MYO6: variants seen among roughly 807,000 people sequenced by gnomAD.
MYO6 encodes unconventional myosin-VI.
MYO6 carries 74 observed loss-of-function variants against 178.7 expected under a neutral mutation model. The ratio of observed to expected loss-of-function variants is 0.41; its 90% confidence interval spans 0.34 to 0.50. The LOEUF (loss-of-function observed/expected upper bound fraction) is 0.50, where lower values mean the gene tolerates loss of function less well. MYO6 is among the 20% of genes least tolerant of loss of function. The pLI is 0.09. For synonymous variants in MYO6, 477 were observed against 504.6 expected (o/e 0.95, Z 0.73); for missense variants, 1,330 against 1,547.4 (o/e 0.86, Z 2.36).
chr6:75,895,409 A>G, intron 29 of MYO6, 149 bp downstream of exon 29: 2 of 666,218 alleles, frequency 3.0e-6, no homozygotes, highest in Non-Finnish European at 5.3e-6. Flanking sequence ...GGAAAGTTTA[A>G]TGCTCTTGTA....
chr6:75,833,447 C>A (rs940616063), intron 6 of MYO6, among the ~76,000 whole-genome samples: 6 of 152,150 alleles, frequency 3.9e-5, no homozygotes, highest in Non-Finnish European at 8.8e-5. Flanking sequence ...AAAACTTGAC[C>A]CATGCAACAA....
chr6:75,871,699 T>G (rs1777167261), intron 19 of MYO6, among the ~76,000 whole-genome samples: 2 of 152,226 alleles, frequency 1.3e-5, no homozygotes, highest in Admixed American at 1.3e-4. Context: ...TATCTATCTC[T>G]TAAGGCCATG....
At chr6:75,861,749 T>A (rs188093054) in intron 15 of MYO6, among the ~76,000 whole-genome samples, 1 of 152,308 alleles carries the variant, frequency 6.6e-6, no homozygotes, top group East Asian at 1.9e-4. Context: ...AAAAACATAG[T>A]ATAATAATAA....
intron 33 of MYO6, among the ~76,000 whole-genome samples, chr6:75,912,421 T>G (rs1050203246): frequency 5.9e-5 from 9 of 152,034 alleles, no homozygotes; most frequent in Non-Finnish European, 1.0e-4. Context: ...AATATTAGTT[T>G]CAAGCTTTTA....
chr6:75,757,169 TAC>T lies in MYO6; in HGVS notation c.-48+7752_-48+7753del, dbSNP rs556835381. Among the ~76,000 whole-genome samples the T allele has an allele frequency of 4.7e-4, 69 of 147,830 alleles. 1 individual carries two copies. Among genetic ancestry groups the T allele is most frequent in the African/African-American group, 1.5e-3 (62 of 40,564 alleles). On this transcript the variant is annotated intron_variant, in intron 1 of 34. Coordinates refer to ENST00000369977, the MANE Select transcript of MYO6 (RefSeq NM_004999.4). Reference sequence around the variant, plus strand: ...TGTGTGTTGTGTGTGTGTATGTATATACACACATATATACACACATATATTGT... The same window carrying T: ...TGTGTGTTGTGTGTGTGTATGTATATACACATATATACACACATATATTGT...
rs1781064318 is a variant in MYO6, at chr6:75,915,320, T to C, written c.*308T>C. The C allele has an allele frequency of 2.5e-6, 1 of 396,188 alleles. No individual in the cohort carries two copies. The allele number at this position is 396,188 out of a possible 1,614,324, so 24.5% of individuals were successfully genotyped here. On this transcript the variant is annotated 3_prime_UTR_variant, in exon 35 of 35. Coordinates refer to ENST00000369977, the MANE Select transcript of MYO6 (RefSeq NM_004999.4). ...GACTACCTTACATCCATCGTAATTGTTCTCTAGGAAAAGAGAACTTTTTTC... is the reference window on the plus strand; with the variant it reads ...GACTACCTTACATCCATCGTAATTGCTCTCTAGGAAAAGAGAACTTTTTTC...
intron 15 of MYO6, among the ~76,000 whole-genome samples, 155 bp from the exon 16 acceptor site, chr6:75,862,441 C>T (rs1473916180): frequency 2.6e-5 from 4 of 152,104 alleles, no homozygotes; most frequent in Admixed American, 6.6e-5. Context: ...AATAAAAATC[C>T]GTCAGCTCTC....
At position 75,905,540 on chromosome 6, in the gene MYO6, T is replaced by C. The variant is rs534404440; in HGVS notation, c.3177-2065T>C. Among the ~76,000 whole-genome samples the C allele has an allele frequency of 9.2e-5, 14 of 152,350 alleles. No individual in the cohort carries two copies. The South Asian group carries it at 2.9e-3, about 32-fold the overall frequency. Reference sequence around the variant, plus strand: ...GAAAGGGAACTCCCTGACCCCTTGCTCTTCTGGAGTGAGGCAATGCCTCGC... The same window carrying C: ...GAAAGGGAACTCCCTGACCCCTTGCCCTTCTGGAGTGAGGCAATGCCTCGC... On this transcript the variant is annotated intron_variant, in intron 30 of 34. Coordinates refer to ENST00000369977, the MANE Select transcript of MYO6 (RefSeq NM_004999.4).
Position 75,817,304 on chromosome 6 carries a change from C to CAAAAA in MYO6, c.-47-183_-47-179dup, listed in dbSNP as rs759910571. The stretch of plus-strand genomic sequence containing the variant: ...TGGGTGAGAGAGTGAGATTCCGTCT[C>CAAAAA]AAAAAAAAAAAAAAAAAAGTAGATA... On this transcript the variant is annotated intron_variant, in intron 1 of 34. Transcript: ENST00000369977. Among the ~76,000 whole-genome samples, 324 of 62,962 alleles carry CAAAAA rather than the reference C, an allele frequency of 5.1e-3. 2 individuals are homozygous for CAAAAA. The highest frequency in any genetic ancestry group is 0.015 in the African/African-American group (298 of 19,242). 41.3% of individuals were successfully genotyped at this position (62,962 alleles called of 152,430 possible). A position where few individuals can be genotyped will look rare whatever the true frequency, so the allele number is the denominator to read the frequency against.
At chr6:75,845,221 C>T (rs1774611405) in intron 10 of MYO6, among the ~76,000 whole-genome samples, 1 of 152,154 alleles carries the variant, frequency 6.6e-6, no homozygotes, top group Admixed American at 6.5e-5. Flanking sequence ...TCCTCTCATT[C>T]TGTTTTCAAG....
At chr6:75,807,246 ATC>A (rs1016771973) in intron 1 of MYO6, among the ~76,000 whole-genome samples, 1 of 151,986 alleles carries the variant, frequency 6.6e-6, no homozygotes, top group Admixed American at 6.6e-5. Flanking sequence ...TTTCTCACTA[ATC>A]TCTCTGGAAA....
At chr6:75,900,534 C>A (rs1216901599) in intron 30 of MYO6, among the ~76,000 whole-genome samples, 1 of 152,076 alleles carries the variant, frequency 6.6e-6, no homozygotes, top group Non-Finnish European at 1.5e-5. Flanking sequence ...TAAATGTCTT[C>A]TTTTGAGAAG....
At position 75,881,810 on chromosome 6, in the gene MYO6, T is replaced by A. The variant is rs995452093; in HGVS notation, c.2408T>A (p.Val803Asp). The A allele has an allele frequency of 5.0e-6, 8 of 1,613,588 alleles. No homozygotes were observed. The highest frequency in any genetic ancestry group is 2.7e-5 in the African/African-American group (2 of 74,892). Reference sequence around the variant, plus strand: ...AAAGTTCAGTGGTGCTCACTCTCAGTCATCAAATGTAGGTGTTTTCCTTTA... The same window carrying A: ...AAAGTTCAGTGGTGCTCACTCTCAGACATCAAATGTAGGTGTTTTCCTTTA... ...WKKVQWCSLS[V>D]IKLKNKIKYR... The change falls in exon 23 of 35, where the codon GTC (valine) becomes GAC (aspartate). Residue 803 changes from valine to aspartate, a missense_variant. Val to Asp is a radical substitution (Grantham distance 152, BLOSUM62 -3). This residue lies in a region of MYO6 where 601 missense variants were observed against 626.1 expected (regional missense o/e 0.96). Transcript: ENST00000369977.
Position 75,901,662 on chromosome 6 carries a change from G to A in MYO6, c.3176+3251G>A, listed in dbSNP as rs374951897. The stretch of plus-strand genomic sequence containing the variant: ...GGTTTTCTAGATATACAATCATGTC[G>A]TCTGCAAACAGGGACAATTTGACTT... On this transcript the variant is annotated intron_variant, in intron 30 of 34. Transcript: ENST00000369977. Among the ~76,000 whole-genome samples the A allele has an allele frequency of 2.2e-4, 34 of 152,102 alleles. No homozygotes were observed. In the South Asian group the frequency reaches 2.3e-3, roughly 10 times the overall value.
At chr6:75,867,462 G>C (rs1431522817) in intron 18 of MYO6, 1 of 221,352 alleles carries the variant, frequency 4.5e-6, no homozygotes, top group Non-Finnish European at 9.0e-6. Flanking sequence ...AGTCCAGCTC[G>C]GGATGGCTAG....
intron 1 of MYO6, among the ~76,000 whole-genome samples, chr6:75,767,007 T>C (rs1306703763): frequency 6.6e-6 from 1 of 152,094 alleles, no homozygotes; most frequent in Non-Finnish European, 1.5e-5. Context: ...TTTATTTTTT[T>C]GTGTCATCTT....
chr6:75,904,292 A>G (rs1214023026), intron 30 of MYO6, among the ~76,000 whole-genome samples: 1 of 150,716 alleles, frequency 6.6e-6, no homozygotes, highest in Non-Finnish European at 1.5e-5. Flanking sequence ...TAGATTGGGT[A>G]AGTTCTCCTG....
intron 10 of MYO6, among the ~76,000 whole-genome samples, chr6:75,847,829 A>C (rs930264938): frequency 1.3e-5 from 2 of 151,968 alleles, no homozygotes; most frequent in African/African-American, 4.8e-5. Context: ...TAAATTTTTT[A>C]TTGCACCTTT....
At chr6:75,881,968 C>CT (rs1562280868) in intron 23 of MYO6, 150 bp downstream of exon 23, 1 of 878,886 alleles carries the variant, frequency 1.1e-6, no homozygotes, top group South Asian at 1.5e-5. Flanking sequence ...GATGTTCTTT[C>CT]TTTTTTTATT....
Sources: allele counts gnomAD v4.1 joint callset (sites outside exome capture counted in the v4.1 genomes callset), GRCh38; gene constraint gnomAD v4.1.1; regional missense constraint gnomAD v4.1.1; transcripts MANE v1.5; gene names NCBI Gene and HGNC (gene_info 2026-07-23, HGNC 2026-07-21).